Variants in RALYL observed in about 807,000 individuals in gnomAD.
The protein encoded by RALYL is RALY RNA binding protein like, also known as RNA-binding Raly-like protein.
RALYL carries 29 observed loss-of-function variants against 35.1 expected under a neutral mutation model. The ratio of observed to expected loss-of-function variants is 0.83; its 90% confidence interval spans 0.61 to 1.13. The LOEUF (loss-of-function observed/expected upper bound fraction) is 1.13. RALYL is among the 50% of genes most tolerant of loss of function. RALYL has a pLI of 0.00. For missense variants in RALYL, 359 were observed against 360.4 expected (o/e 1.00, Z 0.03); for synonymous variants, 120 against 127.6 (o/e 0.94, Z 0.40).
At chr8:84,282,622 T>A (rs1472162676) in intron 1 of RALYL, among the ~76,000 whole-genome samples, 2 of 151,924 alleles carry the variant, frequency 1.3e-5, no homozygotes, top group African/African-American at 4.8e-5. Flanking sequence ...TGCCCTTTTG[T>A]TGAGGTTTTG....
chr8:84,809,739 T>C (rs563484727), intron 4 of RALYL, among the ~76,000 whole-genome samples: 37 of 152,278 alleles, frequency 2.4e-4, no homozygotes, highest in African/African-American at 8.4e-4. Flanking sequence ...AATTTATCCA[T>C]CTGTTCTAGG....
At chr8:84,339,196 G>A (rs1848340510) in intron 1 of RALYL, among the ~76,000 whole-genome samples, 1 of 152,002 alleles carries the variant, frequency 6.6e-6, no homozygotes, top group Non-Finnish European at 1.5e-5. Flanking sequence ...GAGACTGCAT[G>A]TAACCTAGAT....
intron 5 of RALYL, 41 bp from the exon 6 acceptor site, chr8:84,862,255 G>A: frequency 7.1e-7 from 1 of 1,407,656 alleles, no homozygotes; most frequent in Non-Finnish European, 9.4e-7. Flanking sequence ...AGAACTCTCG[G>A]GCATCAAACC....
chr8:84,722,398 C>G (rs542227418), intron 2 of RALYL, among the ~76,000 whole-genome samples: 38 of 151,414 alleles, frequency 2.5e-4, no homozygotes, highest in African/African-American at 8.7e-4. Context: ...ATTAGAACAC[C>G]AGGGTAAAGT....
At chr8:84,366,450 A>C (rs1854290040) in intron 1 of RALYL, among the ~76,000 whole-genome samples, 1 of 152,126 alleles carries the variant, frequency 6.6e-6, no homozygotes, top group Non-Finnish European at 1.5e-5. Flanking sequence ...GTGGGAGTGA[A>C]AATGAAATAT....
chr8:84,523,334 T>C (rs1298427430), intron 1 of RALYL, among the ~76,000 whole-genome samples: 2 of 145,116 alleles, frequency 1.4e-5, no homozygotes, highest in Non-Finnish European at 3.0e-5. Context: ...GACTTATTCA[T>C]GAGAACAGCA....
chr8:84,691,141 T>C (rs1245486163), intron 2 of RALYL, among the ~76,000 whole-genome samples: 3 of 152,104 alleles, frequency 2.0e-5, no homozygotes, highest in Admixed American at 1.3e-4. Flanking sequence ...AAGTTAAAAT[T>C]ACTTTCTTTA....
intron 1 of RALYL, among the ~76,000 whole-genome samples, chr8:84,489,364 A>T (rs1028718107): frequency 6.6e-6 from 1 of 152,096 alleles, no homozygotes; most frequent in Non-Finnish European, 1.5e-5. Flanking sequence ...AATAAGCCAG[A>T]CATAAAAAAG....
intron 1 of RALYL, among the ~76,000 whole-genome samples, chr8:84,438,576 G>A (rs909457119): frequency 3.3e-5 from 5 of 151,480 alleles, no homozygotes; most frequent in South Asian, 2.1e-4. Flanking sequence ...ATTTTTTGTT[G>A]AGCCGAGGTT....
At chr8:84,622,855 C>A (rs1821854681) in intron 2 of RALYL, among the ~76,000 whole-genome samples, 1 of 152,182 alleles carries the variant, frequency 6.6e-6, no homozygotes, top group Non-Finnish European at 1.5e-5. Context: ...CGAGTACACA[C>A]CAAGTCGTTG....
intron 2 of RALYL, among the ~76,000 whole-genome samples, chr8:84,739,067 A>C (rs929696399): frequency 1.3e-5 from 2 of 152,056 alleles, no homozygotes; most frequent in African/African-American, 4.8e-5. Flanking sequence ...TGGAAATTCA[A>C]AATTAATTAA....
chr8:84,798,364 T>G (rs1420239165), intron 3 of RALYL, among the ~76,000 whole-genome samples: 4 of 152,230 alleles, frequency 2.6e-5, no homozygotes, highest in Non-Finnish European at 5.9e-5. Context: ...TGGTTAATAT[T>G]TATTAACCAT....
intron 1 of RALYL, among the ~76,000 whole-genome samples, chr8:84,278,840 A>T (rs1471422869): frequency 2.0e-5 from 3 of 152,160 alleles, no homozygotes; most frequent in Non-Finnish European, 4.4e-5. Flanking sequence ...GGAAGTTACA[A>T]ACTTTCCCAC....
chr8:84,675,867 T>C (rs1449946762), intron 2 of RALYL, among the ~76,000 whole-genome samples: 2 of 152,170 alleles, frequency 1.3e-5, no homozygotes, highest in Non-Finnish European at 2.9e-5. Flanking sequence ...AAATTGCACG[T>C]GTACTGCGTA....
chr8:84,695,890 C>T (rs910227049), intron 2 of RALYL, among the ~76,000 whole-genome samples: 2 of 151,834 alleles, frequency 1.3e-5, no homozygotes, highest in Non-Finnish European at 2.9e-5. Flanking sequence ...TATTGTTACC[C>T]ATGACTCCAT....
intron 8 of RALYL, among the ~76,000 whole-genome samples, chr8:84,913,593 T>C (rs1413750184): frequency 6.6e-6 from 1 of 152,040 alleles, no homozygotes; most frequent in African/African-American, 2.4e-5. Context: ...GCAGAGGATA[T>C]GGCATGATCA....
At chr8:84,631,010 C>T (rs533284963) in intron 2 of RALYL, among the ~76,000 whole-genome samples, 38 of 151,988 alleles carry the variant, frequency 2.5e-4, no homozygotes, top group African/African-American at 8.9e-4. Context: ...ACACTAAAAC[C>T]AGGTAAAAAT....
intron 4 of RALYL, among the ~76,000 whole-genome samples, chr8:84,828,132 CCTCT>C (rs1830098511): frequency 1.3e-5 from 2 of 151,966 alleles, no homozygotes; most frequent in African/African-American, 4.8e-5. Context: ...GGAAATTATA[CCTCT>C]CTGTGTATTT....
In RALYL at chr8:84,349,555, G is replaced by C. The variant is rs1460396978; in HGVS notation, c.-24+165131G>C. ...AGGTCATCCTTATGCAGTTACTTGA[G>C]CTTCAAATTCTGGAGTCTGCCTTGA... On this transcript the variant is annotated intron_variant, in intron 1 of 8. Coordinates refer to ENST00000521268, the MANE Select transcript of RALYL (RefSeq NM_173848.7). Among the ~76,000 whole-genome samples the C allele has an allele frequency of 2.0e-5, 3 of 150,190 alleles. 1 individual carries two copies. The highest frequency in any genetic ancestry group is 4.4e-5 in the Non-Finnish European group (3 of 67,670).
Sources: allele counts gnomAD v4.1 joint callset (sites outside exome capture counted in the v4.1 genomes callset), GRCh38; gene constraint gnomAD v4.1.1; transcripts MANE v1.5; gene names NCBI Gene and HGNC (gene_info 2026-07-23, HGNC 2026-07-21).